The following UPF2 variants were observed in gnomAD, a reference collection of about 807,000 sequenced individuals.
The protein encoded by UPF2 is regulator of nonsense transcripts 2.
UPF2 carries 17 observed loss-of-function variants against 141.4 expected under a neutral mutation model. The observed-to-expected ratio is 0.12, with a 90% CI of 0.08 to 0.18. UPF2 has a LOEUF of 0.18. Ranked by LOEUF, UPF2 falls within the 10% of genes least tolerant of loss-of-function variation. The pLI is 1.00. For synonymous variants in UPF2, 540 were observed against 498.0 expected (o/e 1.08, Z -1.12); for missense variants, 1,152 against 1,515.9 (o/e 0.76, Z 3.99).
At chr10:12,000,245 A>C (rs191475383) in intron 6 of UPF2, among the ~76,000 whole-genome samples, 397 of 152,314 alleles carry the variant, frequency 2.6e-3, no homozygotes, top group African/African-American at 9.1e-3. Context: ...TGCATTAGGC[A>C]CAAAAACTTG....
intron 3 of UPF2, among the ~76,000 whole-genome samples, chr10:12,020,735 T>C (rs772085536): frequency 2.0e-5 from 3 of 152,228 alleles, no homozygotes; most frequent in African/African-American, 4.8e-5. Flanking sequence ...TACAGAACTA[T>C]TGTTATGCCC....
chr10:11,986,771 T>C (rs1167241453), intron 8 of UPF2, among the ~76,000 whole-genome samples: 1 of 152,216 alleles, frequency 6.6e-6, no homozygotes, highest in Non-Finnish European at 1.5e-5. Context: ...TGCTGCTGTT[T>C]CCAACACAAC....
Position 11,927,719 on chromosome 10 carries a change from A to T in UPF2, c.3809+2146T>A, listed in dbSNP as rs185606032. Among the ~76,000 whole-genome samples the T allele has an allele frequency of 1.6e-3, 245 of 152,024 alleles. 1 individual carries two copies. Among genetic ancestry groups the T allele is most frequent in the African/African-American group, 5.4e-3 (223 of 41,510 alleles). On this transcript the variant is annotated intron_variant, in intron 21 of 21. Coordinates refer to ENST00000357604, the MANE Select transcript of UPF2 (RefSeq NM_015542.4). ...CATTTCCAACTTGGATTTTTTTTTT[A>T]AATTATACTCAACAGATGCTAAAGA...
chr10:11,956,364 G>A lies in UPF2; in HGVS notation c.2530C>T (p.His844Tyr). The A allele has an allele frequency of 6.2e-7, 1 of 1,614,110 alleles. No homozygotes were observed. Reference protein sequence around the residue: ...LVLYQEDVGIHVVDGVLEDIR... With the variant: ...LVLYQEDVGIYVVDGVLEDIR... ...TCTTCTAACACTCCATCCACAACGT[G>A]GATCCCAACATCCTCTTGGTAGAGC... Residue 844 changes from histidine to tyrosine, a missense_variant, in exon 13 of 22, where the codon CAC (histidine) becomes TAC (tyrosine). By Grantham distance (83) the His-to-Tyr change is moderately conservative. This residue lies in a region of UPF2 where 739 missense variants were observed against 1,032.2 expected (regional missense o/e 0.72). Transcript: ENST00000357604. The surrounding 1 kb of genome is among the most constrained non-coding windows in gnomAD (Gnocchi z 4.2).
At chr10:11,950,480 C>A (rs975440806) in intron 15 of UPF2, among the ~76,000 whole-genome samples, 1 of 152,148 alleles carries the variant, frequency 6.6e-6, no homozygotes, top group South Asian at 2.1e-4. Flanking sequence ...TCACAAACAG[C>A]GATCTATTTT....
chr10:11,988,191 T>C (rs957152176), intron 8 of UPF2, among the ~76,000 whole-genome samples: 6 of 152,252 alleles, frequency 3.9e-5, no homozygotes, highest in Non-Finnish European at 7.3e-5. Context: ...ACGTTGTCCC[T>C]AGGTATCCAT....
intron 1 of UPF2, among the ~76,000 whole-genome samples, chr10:12,037,490 G>C (rs1331403801): frequency 6.6e-6 from 1 of 151,202 alleles, no homozygotes; most frequent in African/African-American, 2.4e-5. Context: ...CCACCTTCCG[G>C]GTTTAAGTGA....
chr10:12,040,716 C>A (rs999448555), intron 1 of UPF2, among the ~76,000 whole-genome samples: 1 of 152,204 alleles, frequency 6.6e-6, no homozygotes, highest in Non-Finnish European at 1.5e-5. Context: ...AACTCTGCAG[C>A]CTGATAGCTA....
intron 8 of UPF2, among the ~76,000 whole-genome samples, chr10:11,988,460 T>C (rs917290019): frequency 1.3e-5 from 2 of 152,200 alleles, no homozygotes; most frequent in Non-Finnish European, 2.9e-5. Context: ...TACAGGCACA[T>C]GCCACTATGC....
intron 9 of UPF2, among the ~76,000 whole-genome samples, chr10:11,976,571 T>C (rs905477033): frequency 2.6e-5 from 4 of 152,198 alleles, no homozygotes; most frequent in Admixed American, 2.0e-4. Context: ...CTAATTTAGC[T>C]CCAAGTACAT....
intron 14 of UPF2, among the ~76,000 whole-genome samples, chr10:11,954,643 A>AAATATAT (rs1439199969): frequency 1.2e-4 from 16 of 128,358 alleles, no homozygotes; most frequent in East Asian, 2.1e-4. Flanking sequence ...CAAAAAAAAA[A>AAATATAT]ATATATATAT....
At chr10:11,944,658 A>G (rs1168576369) in intron 16 of UPF2, among the ~76,000 whole-genome samples, 4 of 152,190 alleles carry the variant, frequency 2.6e-5, no homozygotes, top group Admixed American at 6.5e-5. Context: ...GACACTTCCC[A>G]TTCATAAACT....
At chr10:11,970,431 T>C (rs1030862926) in intron 9 of UPF2, among the ~76,000 whole-genome samples, 3 of 143,374 alleles carry the variant, frequency 2.1e-5, no homozygotes, top group South Asian at 2.1e-4. Flanking sequence ...TTTTCTTTCC[T>C]TTTTTTTTTA....
chr10:11,983,714 G>A (rs1454699265), intron 8 of UPF2, among the ~76,000 whole-genome samples: 1 of 151,906 alleles, frequency 6.6e-6, no homozygotes, highest in African/African-American at 2.4e-5. Context: ...AATATGATTT[G>A]CTAGTGTTTT....
chr10:12,003,629 G>A (rs969374415), intron 5 of UPF2, among the ~76,000 whole-genome samples: 2 of 152,034 alleles, frequency 1.3e-5, no homozygotes, highest in South Asian at 2.1e-4. Flanking sequence ...TAAAATTAAC[G>A]TTTAGGAATG....
At chr10:11,988,363 G>C (rs1376999652) in intron 8 of UPF2, among the ~76,000 whole-genome samples, 1 of 152,146 alleles carries the variant, frequency 6.6e-6, no homozygotes, top group African/African-American at 2.4e-5. Flanking sequence ...ACCCAGGCTG[G>C]AGTGCAGTGG....
At chr10:12,034,031 T>C (rs1317808676) in intron 2 of UPF2, among the ~76,000 whole-genome samples, 1 of 152,228 alleles carries the variant, frequency 6.6e-6, no homozygotes, top group African/African-American at 2.4e-5. Context: ...GGAATTGTGC[T>C]TAATGAATAG....
In UPF2 at chr10:12,035,048, A is replaced by G. The variant is rs1261695650; in HGVS notation, c.365+11T>C. On this transcript the variant is annotated intron_variant, in intron 2 of 21. Transcript: ENST00000357604. ...TTCCCTCACATCAATAAATACAATC[A>G]ACTGCCTTACTTCATCTGAGCAGCT... 6 of 1,545,292 alleles carry G rather than the reference A, an allele frequency of 3.9e-6. No individual in the cohort carries two copies. The highest frequency in any genetic ancestry group is 4.6e-5 in the Admixed American group (2 of 43,808).
At chr10:11,960,974 C>T (rs73571374) in intron 11 of UPF2, among the ~76,000 whole-genome samples, 331 of 150,924 alleles carry the variant, frequency 2.2e-3, no homozygotes, top group African/African-American at 7.7e-3. Context: ...TCCATAGTCC[C>T]GGCTATTTGG....
Sources: allele counts gnomAD v4.1 joint callset (sites outside exome capture counted in the v4.1 genomes callset), GRCh38; gene constraint gnomAD v4.1.1; regional missense constraint gnomAD v4.1.1; non-coding constraint Gnocchi (gnomAD v3.1); transcripts MANE v1.5; gene names NCBI Gene and HGNC (gene_info 2026-07-23, HGNC 2026-07-21).